ANK2: variants seen among roughly 807,000 people sequenced by gnomAD.
The protein encoded by ANK2 is ankyrin-2.
Under a neutral mutation model 360.5 loss-of-function variants are expected in ANK2, and 83 were observed. The observed-to-expected ratio is 0.23, with a 90% CI of 0.19 to 0.28. The LOEUF (loss-of-function observed/expected upper bound fraction) is 0.28. ANK2 is among the 10% of genes least tolerant of loss of function. The probability of loss-of-function intolerance (pLI) is 1.00; values close to 1 mark genes in which losing one functional copy is unlikely to be tolerated. For missense variants in ANK2, 4,201 were observed against 4,795.7 expected (o/e 0.88, Z 3.66); for synonymous variants, 1,740 against 1,759.5 (o/e 0.99, Z 0.28).
intron 15 of ANK2, among the ~76,000 whole-genome samples, chr4:113,277,555 T>C (rs1188703968): frequency 6.6e-6 from 1 of 152,196 alleles, no homozygotes; most frequent in Non-Finnish European, 1.5e-5. Context: ...GCCAGTTTAC[T>C]GACACTAGTG....
At chr4:113,223,802 C>G (rs2099181305) in intron 4 of ANK2, among the ~76,000 whole-genome samples, 1 of 152,144 alleles carries the variant, frequency 6.6e-6, no homozygotes, top group African/African-American at 2.4e-5. Flanking sequence ...ATATTATCAT[C>G]ACAGTCACTG....
the ANK2 span, among the ~76,000 whole-genome samples, chr4:112,731,139 A>T: frequency 8.2e-6 from 1 of 122,004 alleles, no homozygotes; most frequent in Non-Finnish European, 1.7e-5. Flanking sequence ...GACTCTGTCT[A>T]AAAAAAAAAG....
At chr4:113,328,103 G>A (rs183925756) in intron 26 of ANK2, among the ~76,000 whole-genome samples, 3 of 152,262 alleles carry the variant, frequency 2.0e-5, no homozygotes, top group Admixed American at 2.0e-4. Flanking sequence ...ATGTAGTGGA[G>A]AGGTTATAGC....
intron 1 of ANK2, among the ~76,000 whole-genome samples, chr4:112,900,125 G>A (rs2082876803): frequency 6.6e-6 from 1 of 151,956 alleles, no homozygotes; most frequent in Non-Finnish European, 1.5e-5. Context: ...TACTAATTTT[G>A]TTCCATCTGT....
intron 1 of ANK2, among the ~76,000 whole-genome samples, chr4:112,864,888 T>C (rs955742988): frequency 3.3e-5 from 5 of 150,866 alleles, no homozygotes; most frequent in Admixed American, 1.3e-4. Context: ...AAAAATTAGC[T>C]GGGCGTGGTG....
chr4:112,860,023 G>A (rs916772197), intron 1 of ANK2, among the ~76,000 whole-genome samples: 7 of 152,148 alleles, frequency 4.6e-5, no homozygotes, highest in African/African-American at 1.7e-4. Flanking sequence ...GTATGTACCA[G>A]CAAATCTGAT....
chr4:112,878,711 A>G lies in ANK2; in HGVS notation c.-39-25744A>G, dbSNP rs373841345. 4.6e-5 allele frequency among the ~76,000 whole-genome samples: 7 copies of G among 151,398 alleles called. 1 individual carries two copies. Among genetic ancestry groups the G allele is most frequent in the African/African-American group, 1.7e-4 (7 of 41,158 alleles). ...TGCAGTGGCGCGATCTAGGCTCACT[A>G]CAAGCTCCGCCTCTCGTGTTCACGC... On this transcript the variant is annotated intron_variant, in intron 1 of 30. Transcript: ENST00000503271.
chr4:113,105,436 G>A (rs1289247179), intron 1 of ANK2, among the ~76,000 whole-genome samples: 1 of 152,146 alleles, frequency 6.6e-6, no homozygotes. Flanking sequence ...CAAGAGAAAA[G>A]AGAAGGTGGA....
intron 23 of ANK2, among the ~76,000 whole-genome samples, chr4:113,306,440 G>A (rs561377203): frequency 1.3e-5 from 2 of 152,276 alleles, no homozygotes; most frequent in East Asian, 3.9e-4. Flanking sequence ...GTTGTGGACT[G>A]TTTGAATTCT....
At chr4:112,944,703 A>G (rs1025910895) in intron 2 of ANK2, among the ~76,000 whole-genome samples, 4 of 152,182 alleles carry the variant, frequency 2.6e-5, no homozygotes, top group Admixed American at 6.5e-5. Context: ...TAGAAAAAAA[A>G]TGAAAAGATT....
At position 112,841,856 on chromosome 4, in the gene ANK2, G is replaced by A. The variant is rs1560747208; in HGVS notation, c.-40+23592G>A. Among the ~76,000 whole-genome samples, 4 of 152,058 alleles carry A rather than the reference G, an allele frequency of 2.6e-5. No individual in the cohort carries two copies. In the South Asian group the frequency reaches 6.2e-4, roughly 24 times the overall value. ...TGAAGTTCTCACAGAAATGACTGTT[G>A]ACCCCACTGAAAATCCAAAAACAAA... On this transcript the variant is annotated intron_variant, in intron 1 of 30. Transcript: ENST00000503271.
At chr4:113,137,137 A>G (rs1722167807) in intron 1 of ANK2, among the ~76,000 whole-genome samples, 1 of 152,040 alleles carries the variant, frequency 6.6e-6, no homozygotes, top group Non-Finnish European at 1.5e-5. Flanking sequence ...CCCGACCTAG[A>G]TTTTCGCTTT....
chr4:113,219,720 A>G (rs1340286792), intron 4 of ANK2, among the ~76,000 whole-genome samples: 2 of 152,178 alleles, frequency 1.3e-5, no homozygotes, highest in African/African-American at 4.8e-5. Context: ...TAAATAATAT[A>G]TTTTAACCAT....
intron 2 of ANK2, among the ~76,000 whole-genome samples, chr4:112,971,425 G>A (rs1012634395): frequency 6.6e-6 from 1 of 152,136 alleles, no homozygotes; most frequent in African/African-American, 2.4e-5. Context: ...GCCTATTTCC[G>A]AGATTCAGAC....
intron 45 of ANK2, among the ~76,000 whole-genome samples, chr4:113,376,023 A>G (rs1401717635): frequency 1.3e-5 from 2 of 152,182 alleles, no homozygotes; most frequent in Non-Finnish European, 2.9e-5. Flanking sequence ...AGAGGTTGCC[A>G]TTTTTAAAAT....
chr4:113,049,551 A>G, upstream of ANK2: 1 of 1,258,672 alleles, frequency 7.9e-7, no homozygotes, highest in Non-Finnish European at 1.1e-6. Context: ...ATGCAGTCAG[A>G]TAAACAGTTG....
chr4:112,878,795 C>T (rs1167931731), intron 1 of ANK2, among the ~76,000 whole-genome samples: 4 of 151,976 alleles, frequency 2.6e-5, no homozygotes, highest in African/African-American at 7.3e-5. Flanking sequence ...CCACCACGCC[C>T]GGCTAATTTT....
chr4:113,095,886 G>A (rs74542586), intron 1 of ANK2, among the ~76,000 whole-genome samples: 1 of 152,116 alleles, frequency 6.6e-6, no homozygotes, highest in African/African-American at 2.4e-5. Flanking sequence ...GAGCCACTTC[G>A]TTGGCTGCCA....
chr4:113,258,321 C>T lies in ANK2; in HGVS notation c.1296C>T (p.Leu432=). ...GTTGCTTTGTTTCGCAGTCTGGCCT[C>T]ACACCAATACATGTGGCTGCCTTCA... is the stretch of plus-strand genomic sequence containing the variant. ...ASIQAITESG[L]TPIHVAAFMG... The change falls in exon 13 of 46, where the codon CTC becomes CTT. Residue 432 remains leucine (L), a synonymous_variant. Transcript: ENST00000357077. The T allele has an allele frequency of 6.2e-7, 1 of 1,614,014 alleles. No individual in the cohort carries two copies. Among genetic ancestry groups the T allele is most frequent in the Non-Finnish European group, 8.5e-7 (1 of 1,180,008 alleles).
Sources: allele counts gnomAD v4.1 joint callset (sites outside exome capture counted in the v4.1 genomes callset), GRCh38; gene constraint gnomAD v4.1.1; transcripts MANE v1.5; gene names NCBI Gene and HGNC (gene_info 2026-07-23, HGNC 2026-07-21).